The following C5 variants were observed in gnomAD, a reference collection of about 807,000 sequenced individuals.
C5 encodes the protein complement C5.
Under a neutral mutation model 218.8 loss-of-function variants are expected in C5, and 140 were observed. The observed-to-expected ratio is 0.64, with a 90% CI of 0.56 to 0.74. The LOEUF (loss-of-function observed/expected upper bound fraction) is 0.74, where lower values mean the gene tolerates loss of function less well. C5 is among the 30% of genes least tolerant of loss of function. C5 has a pLI of 0.00. For missense variants in C5, 1,700 were observed against 1,969.6 expected, an observed-to-expected ratio of 0.86 and a Z score of 2.59; for synonymous variants, 614 against 682.3, an observed-to-expected ratio of 0.90 and a Z score of 1.56.
intron 28 of C5, 37 bp downstream of exon 28, chr9:120,980,046 G>A (rs1343512691): frequency 6.3e-7 from 1 of 1,593,414 alleles, no homozygotes; most frequent in East Asian, 2.2e-5. Context: ...ATGTCTTAGT[G>A]AACACTCACT....
intron 28 of C5, among the ~76,000 whole-genome samples, chr9:120,977,431 C>T (rs1301816299): frequency 6.6e-6 from 1 of 152,140 alleles, no homozygotes; most frequent in Admixed American, 6.5e-5. Flanking sequence ...CAGTTCAGAT[C>T]AGGAACACTC....
At chr9:120,968,910 A>G in intron 33 of C5, 151 bp downstream of exon 33, 2 of 685,160 alleles carry the variant, frequency 2.9e-6, no homozygotes, top group South Asian at 3.3e-5. Context: ...GGTAAGTAGC[A>G]ATTTAAGAAT....
intron 20 of C5, among the ~76,000 whole-genome samples, chr9:121,000,303 TA>T (rs2047150672): frequency 6.6e-6 from 1 of 152,168 alleles, no homozygotes; most frequent in Non-Finnish European, 1.5e-5. Context: ...TTCAACAAAC[TA>T]ATTCCAAAGT....
the C5 span, among the ~76,000 whole-genome samples, chr9:121,068,935 G>A: frequency 6.6e-6 from 1 of 152,116 alleles, no homozygotes; most frequent in Non-Finnish European, 1.5e-5. Context: ...ATATACAGAA[G>A]AATGAAACTA....
At position 121,016,203 on chromosome 9, in the gene C5, G is replaced by A. The variant is rs370637548; in HGVS notation, c.1996+51C>T. The A allele has an allele frequency of 5.0e-6, 8 of 1,609,528 alleles. No individual in the cohort carries two copies. In the African/African-American group the frequency reaches 8.0e-5, roughly 16 times the overall value. On this transcript the variant is annotated intron_variant, in intron 15 of 40. Coordinates refer to ENST00000223642, the MANE Select transcript of C5 (RefSeq NM_001735.3). ...GAAGAAGGATAAAAATGAGATCTGGGGGGCAAATGATCAATGGGATTTTCA... is the reference window on the plus strand; with the variant it reads ...GAAGAAGGATAAAAATGAGATCTGGAGGGCAAATGATCAATGGGATTTTCA...
At chr9:121,050,391 C>G, upstream of C5, 1 of 709,644 alleles carries the variant, frequency 1.4e-6, no homozygotes, top group Non-Finnish European at 2.5e-6. Context: ...AGAATTGGAA[C>G]TAAAACACCC....
chr9:120,957,552 A>C (rs901714376), intron 38 of C5, among the ~76,000 whole-genome samples, 184 bp from the exon 39 acceptor site: 10 of 152,260 alleles, frequency 6.6e-5, no homozygotes, highest in African/African-American at 1.9e-4. Flanking sequence ...TATTAGAATC[A>C]TTAGCCCTGG....
intron 2 of C5, among the ~76,000 whole-genome samples, chr9:121,045,909 C>T (rs1215853458): frequency 6.6e-6 from 1 of 152,100 alleles, no homozygotes; most frequent in Non-Finnish European, 1.5e-5. Flanking sequence ...CAAGTATTTT[C>T]AATTATCTCC....
At chr9:120,961,674 C>G in intron 36 of C5, 109 bp from the exon 37 acceptor site, 2 of 763,110 alleles carry the variant, frequency 2.6e-6, no homozygotes, top group Non-Finnish European at 4.7e-6. Context: ...ATTTTAAACC[C>G]TTCTTTTTAT....
upstream of C5, among the ~76,000 whole-genome samples, chr9:121,055,154 G>A (rs1305089565): frequency 6.6e-6 from 1 of 152,008 alleles, no homozygotes; most frequent in Admixed American, 6.5e-5. Flanking sequence ...ATCGATTTAT[G>A]TCTTCGCCTG....
intron 10 of C5, among the ~76,000 whole-genome samples, chr9:121,022,191 A>C (rs1290450627): frequency 6.6e-6 from 1 of 152,124 alleles, no homozygotes; most frequent in Non-Finnish European, 1.5e-5. Flanking sequence ...TTGGTTTAGG[A>C]CTGGATAAAG....
intron 2 of C5, 150 bp from the exon 3 acceptor site, chr9:121,043,316 A>C (rs1340454957): frequency 2.9e-6 from 2 of 700,222 alleles, no homozygotes; most frequent in East Asian, 5.6e-5. Context: ...GAGTAAATAA[A>C]TTTTGCCCGA....
chr9:120,985,957 C>T lies in C5; in HGVS notation c.3230+3089G>A, dbSNP rs552373534. Among the ~76,000 whole-genome samples the T allele has an allele frequency of 1.6e-4, 24 of 152,268 alleles. No homozygotes were observed. In the South Asian group the frequency reaches 2.3e-3, roughly 14 times the overall value. Reference sequence around the variant, plus strand: ...CAGTCTAGCTGACCACTAGATGGCCCGTTACTCAAGATAATAATCAGAACA... The same window carrying T: ...CAGTCTAGCTGACCACTAGATGGCCTGTTACTCAAGATAATAATCAGAACA... On this transcript the variant is annotated intron_variant, in intron 25 of 40. Transcript: ENST00000223642.
In C5 at chr9:120,974,936, C is replaced by T. The variant is rs752557479; in HGVS notation, c.3865-5G>A. On this transcript the variant is annotated splice_region_variant and splice_polypyrimidine_tract_variant and intron_variant, in intron 29 of 40. Transcript: ENST00000223642. ...CTCAATGGCATTGATTGTGTCCTGT[C>T]AGCAATCAGCAAGGCACAAAAATAT... The T allele has an allele frequency of 3.7e-6, 6 of 1,614,118 alleles. No homozygotes were observed. Among genetic ancestry groups the T allele is most frequent in the Non-Finnish European group, 5.1e-6 (6 of 1,179,988 alleles).
chr9:121,072,167 A>G, the C5 span, among the ~76,000 whole-genome samples: 1 of 152,130 alleles, frequency 6.6e-6, no homozygotes, highest in African/African-American at 2.4e-5. Context: ...GCAACATGGG[A>G]CCGGTGAGTG....
chr9:121,064,363 C>T, the C5 span, among the ~76,000 whole-genome samples: 3 of 152,122 alleles, frequency 2.0e-5, no homozygotes, highest in South Asian at 6.2e-4. Context: ...AAACTAGCTT[C>T]TGTTGCTTCC....
intron 7 of C5, among the ~76,000 whole-genome samples, chr9:121,028,589 C>T (rs554031203): frequency 6.6e-6 from 1 of 152,056 alleles, no homozygotes; most frequent in Non-Finnish European, 1.5e-5. Flanking sequence ...TGAACTACCA[C>T]AAGGACAGAA....
the C5 span, among the ~76,000 whole-genome samples, chr9:121,070,384 GATATATATATATATATATATAT>G: frequency 1.2e-3 from 91 of 72,890 alleles, 1 homozygote; most frequent in African/African-American, 2.2e-3. Flanking sequence ...AAGGAAGGGT[GATATATATATATATATATATAT>G]ATATATATAT....
chr9:121,009,634 G>T (rs1437605720), intron 17 of C5, among the ~76,000 whole-genome samples: 2 of 152,236 alleles, frequency 1.3e-5, no homozygotes, highest in Non-Finnish European at 2.9e-5. Flanking sequence ...TGTCTTTCCT[G>T]TTGGTACACT....
Sources: allele counts gnomAD v4.1 joint callset (sites outside exome capture counted in the v4.1 genomes callset), GRCh38; gene constraint gnomAD v4.1.1; transcripts MANE v1.5; gene names NCBI Gene and HGNC (gene_info 2026-07-23, HGNC 2026-07-21).